The following ANGPT1 variants were observed in gnomAD, a reference collection of about 807,000 sequenced individuals.
ANGPT1 encodes the protein angiopoietin-1.
A neutral mutation model predicts 62.2 loss-of-function variants in ANGPT1; 17 were observed. The ratio of observed to expected loss-of-function variants is 0.27; its 90% CI spans 0.19 to 0.41. The LOEUF is 0.41. Ranked by LOEUF, ANGPT1 falls within the 10% of genes least tolerant of loss-of-function variation. The probability of loss-of-function intolerance (pLI) is 1.00; values close to 1 mark genes in which losing one functional copy is unlikely to be tolerated. For synonymous variants in ANGPT1, 199 were observed against 198.9 expected, an observed-to-expected ratio of 1.00 and a Z score of 0.00; for missense variants, 478 against 594.9, an observed-to-expected ratio of 0.80 and a Z score of 2.04.
intron 7 of ANGPT1, among the ~76,000 whole-genome samples, chr8:107,271,049 C>A (rs868208746): frequency 1.4e-4 from 22 of 152,028 alleles, no homozygotes; most frequent in Middle Eastern, 3.4e-3. Flanking sequence ...AAGCCATTAA[C>A]CAAAACTCTT....
intron 6 of ANGPT1, among the ~76,000 whole-genome samples, chr8:107,293,028 T>C (rs1356893621): frequency 6.6e-6 from 1 of 152,198 alleles, no homozygotes; most frequent in African/African-American, 2.4e-5. Context: ...TAATAGTTAA[T>C]ATTGTAGGCA....
intron 8 of ANGPT1, among the ~76,000 whole-genome samples, chr8:107,257,890 TG>T (rs764461684): frequency 0.021 from 2,228 of 104,124 alleles, 166 homozygotes; most frequent in African/African-American, 0.066. Context: ...CTTTTTTGTT[TG>T]TTTGTTTGTT....
intron 1 of ANGPT1, among the ~76,000 whole-genome samples, chr8:107,447,489 A>C (rs1342851468): frequency 6.6e-6 from 1 of 152,224 alleles, no homozygotes; most frequent in Non-Finnish European, 1.5e-5. Context: ...GAATGGGTGG[A>C]AATGATCTTG....
chr8:107,363,760 A>G (rs190917733), intron 1 of ANGPT1, among the ~76,000 whole-genome samples: 1 of 152,142 alleles, frequency 6.6e-6, no homozygotes, highest in Middle Eastern at 3.2e-3. Flanking sequence ...TGGACAGTAA[A>G]AAAAATAATA....
At chr8:107,310,945 G>T (rs1814838124) in intron 4 of ANGPT1, among the ~76,000 whole-genome samples, 1 of 107,820 alleles carries the variant, frequency 9.3e-6, no homozygotes, top group African/African-American at 2.8e-5. Flanking sequence ...GAGTGTGTGT[G>T]TGTGTATGTA....
chr8:107,324,114 T>C (rs1488249178), intron 3 of ANGPT1, among the ~76,000 whole-genome samples: 1 of 150,290 alleles, frequency 6.7e-6, no homozygotes, highest in African/African-American at 2.5e-5. Flanking sequence ...TGTTACGAGT[T>C]CAATTATGGC....
intron 1 of ANGPT1, among the ~76,000 whole-genome samples, chr8:107,355,105 T>C (rs1816014907): frequency 6.6e-6 from 1 of 152,098 alleles, no homozygotes; most frequent in African/African-American, 2.4e-5. Context: ...TTTTGCCATG[T>C]TGGCCAGGCT....
At chr8:107,380,575 T>C (rs1044664843) in intron 1 of ANGPT1, among the ~76,000 whole-genome samples, 4 of 152,106 alleles carry the variant, frequency 2.6e-5, no homozygotes, top group African/African-American at 9.7e-5. Flanking sequence ...ATAGGTGATA[T>C]AGCCAGTGTG....
intron 3 of ANGPT1, among the ~76,000 whole-genome samples, chr8:107,325,367 A>AGTGCCAATAATT (rs1815262515): frequency 1.3e-5 from 2 of 152,280 alleles, no homozygotes; most frequent in African/African-American, 4.8e-5. Flanking sequence ...AGAGTTGTTA[A>AGTGCCAATAATT]CTTATAAGAA....
intron 7 of ANGPT1, among the ~76,000 whole-genome samples, chr8:107,265,353 T>C (rs1006030370): frequency 6.6e-6 from 1 of 152,196 alleles, no homozygotes; most frequent in South Asian, 2.1e-4. Context: ...ATCACAATAG[T>C]TGTCAAATGT....
intron 1 of ANGPT1, among the ~76,000 whole-genome samples, chr8:107,350,934 G>T (rs976149189): frequency 3.3e-5 from 5 of 152,104 alleles, no homozygotes; most frequent in Non-Finnish European, 7.4e-5. Context: ...TGCCATAGCA[G>T]CCAGGTTCAG....
At chr8:107,333,513 T>A (rs1189445876) in intron 3 of ANGPT1, among the ~76,000 whole-genome samples, 1 of 152,128 alleles carries the variant, frequency 6.6e-6, no homozygotes, top group Admixed American at 6.5e-5. Flanking sequence ...ATTGCTATAA[T>A]CCTGAAAAAA....
At chr8:107,278,405 CATG>C (rs1245815225) in intron 7 of ANGPT1, among the ~76,000 whole-genome samples, 1 of 152,092 alleles carries the variant, frequency 6.6e-6, no homozygotes, top group Admixed American at 6.6e-5. Context: ...TTCGTATTAG[CATG>C]ATATTTAAGT....
At chr8:107,308,604 G>A (rs1370450487) in intron 4 of ANGPT1, among the ~76,000 whole-genome samples, 3 of 152,220 alleles carry the variant, frequency 2.0e-5, no homozygotes, top group African/African-American at 7.2e-5. Flanking sequence ...GATAACAGTT[G>A]AAAGAATATA....
rs16876215 is a variant in ANGPT1 at position 107,389,373 on chromosome 8, G to T, written c.298-42276C>A. On this transcript the variant is annotated intron_variant, in intron 1 of 8. Transcript: ENST00000517746. ...TGCCATGCATAACATGTGGGAGTGCGGTTATCCAAAGTTAGATTAGCCTGG... is the reference window on the plus strand; with the variant it reads ...TGCCATGCATAACATGTGGGAGTGCTGTTATCCAAAGTTAGATTAGCCTGG... Among the ~76,000 whole-genome samples, 687 of 152,098 alleles carry T rather than the reference G, an allele frequency of 4.5e-3. 5 individuals are homozygous for T. The highest frequency in any genetic ancestry group is 0.016 in the African/African-American group (651 of 41,472).
At chr8:107,438,963 T>G (rs1482146889) in intron 1 of ANGPT1, among the ~76,000 whole-genome samples, 1 of 152,210 alleles carries the variant, frequency 6.6e-6, no homozygotes, top group Non-Finnish European at 1.5e-5. Flanking sequence ...AACATATTAT[T>G]TTTACATAAA....
chr8:107,317,888 C>T (rs1013363800), intron 4 of ANGPT1, among the ~76,000 whole-genome samples: 4 of 152,122 alleles, frequency 2.6e-5, no homozygotes, highest in African/African-American at 9.7e-5. Context: ...ACTTTGGCCT[C>T]CCAAAGTTCT....
intron 3 of ANGPT1, among the ~76,000 whole-genome samples, chr8:107,326,879 G>C (rs1283180153): frequency 6.6e-6 from 1 of 152,092 alleles, no homozygotes; most frequent in Non-Finnish European, 1.5e-5. Flanking sequence ...CTTCTAAGTT[G>C]TTAGACTGGA....
chr8:107,269,166 T>A (rs1813682341), intron 7 of ANGPT1, among the ~76,000 whole-genome samples: 1 of 152,084 alleles, frequency 6.6e-6, no homozygotes, highest in South Asian at 2.1e-4. Flanking sequence ...TCCTGCACAG[T>A]TCAGGGGCTC....
Sources: allele counts gnomAD v4.1 joint callset (sites outside exome capture counted in the v4.1 genomes callset), GRCh38; gene constraint gnomAD v4.1.1; transcripts MANE v1.5; gene names NCBI Gene and HGNC (gene_info 2026-07-23, HGNC 2026-07-21).